The following ACYP2 variants were observed in gnomAD, a reference collection of about 807,000 sequenced individuals.
ACYP2 encodes acylphosphatase-2.
A neutral mutation model predicts 11.2 loss-of-function variants in ACYP2; 12 were observed. The ratio of observed to expected loss-of-function variants is 1.08; its 90% CI spans 0.69 to 1.74. ACYP2 has a LOEUF of 1.74. ACYP2 is among the 40% of genes most tolerant of loss of function. The probability of loss-of-function intolerance (pLI) is 0.00; values close to 1 mark genes in which losing one functional copy is unlikely to be tolerated. For missense variants in ACYP2, 134 were observed against 101.9 expected (o/e 1.31, Z -1.35); for synonymous variants, 43 against 32.2 (o/e 1.33, Z -1.13).
At chr2:54,285,411 G>A (rs1004266788) in intron 6 of ACYP2, among the ~76,000 whole-genome samples, 6 of 152,072 alleles carry the variant, frequency 3.9e-5, no homozygotes, top group African/African-American at 1.4e-4. Context: ...TTATTCCCAG[G>A]TATTGCCATC....
chr2:54,288,897 C>G (rs182023052), intron 6 of ACYP2, among the ~76,000 whole-genome samples: 9 of 152,036 alleles, frequency 5.9e-5, no homozygotes, highest in Admixed American at 4.6e-4. Context: ...TCAGGGAGTC[C>G]AGTTTCTTCC....
chr2:54,029,469 G>A (rs1674470488), intron 2 of ACYP2: 3 of 328,450 alleles, frequency 9.1e-6, no homozygotes, highest in South Asian at 5.9e-5. Context: ...ACACATATAT[G>A]TGTATATATG....
chr2:54,156,467 T>A (rs1250880320), intron 6 of ACYP2, among the ~76,000 whole-genome samples: 4 of 152,140 alleles, frequency 2.6e-5, no homozygotes, highest in Admixed American at 2.6e-4. Context: ...CCTGTGTTCA[T>A]GTGTTCTTAT....
chr2:54,021,984 A>C (rs1037731317), intron 2 of ACYP2, among the ~76,000 whole-genome samples: 1 of 152,188 alleles, frequency 6.6e-6, no homozygotes, highest in Admixed American at 6.5e-5. Flanking sequence ...AAAAATAAAA[A>C]AATGACCCCT....
chr2:54,197,402 C>T (rs1684537501), intron 6 of ACYP2, among the ~76,000 whole-genome samples: 3 of 152,198 alleles, frequency 2.0e-5, no homozygotes, highest in Admixed American at 1.3e-4. Flanking sequence ...CATGAACCCC[C>T]TTTCCCTTTA....
chr2:54,237,159 G>A (rs1686521392), intron 6 of ACYP2, among the ~76,000 whole-genome samples: 1 of 152,066 alleles, frequency 6.6e-6, no homozygotes, highest in Non-Finnish European at 1.5e-5. Context: ...CTTATGTCAG[G>A]GACTTGACTA....
intron 2 of ACYP2, among the ~76,000 whole-genome samples, chr2:54,038,156 T>A (rs1459975292): frequency 6.6e-6 from 1 of 152,214 alleles, no homozygotes; most frequent in Non-Finnish European, 1.5e-5. Context: ...AGGACAGATT[T>A]ATTCTAACCT....
At chr2:54,022,166 T>C (rs1388175637) in intron 2 of ACYP2, among the ~76,000 whole-genome samples, 1 of 152,114 alleles carries the variant, frequency 6.6e-6, no homozygotes, top group Non-Finnish European at 1.5e-5. Context: ...TTTCCCTCTC[T>C]CCTTCCCTCC....
intron 6 of ACYP2, among the ~76,000 whole-genome samples, chr2:54,296,722 T>G (rs1449364306): frequency 6.6e-6 from 1 of 152,242 alleles, no homozygotes. Flanking sequence ...AGTTTCATTT[T>G]CAAAACCTCT....
At chr2:54,131,732 A>G (rs773674119) in intron 4 of ACYP2, among the ~76,000 whole-genome samples, 14 of 152,144 alleles carry the variant, frequency 9.2e-5, no homozygotes, top group Non-Finnish European at 1.5e-4. Flanking sequence ...TCTCCTTTTG[A>G]TGCAATTCTT....
At chr2:54,050,238 A>G (rs112023390) in intron 2 of ACYP2, among the ~76,000 whole-genome samples, 30 of 152,286 alleles carry the variant, frequency 2.0e-4, no homozygotes, top group African/African-American at 6.0e-4. Flanking sequence ...GACCTGCTGT[A>G]TATTGTTTCC....
intron 4 of ACYP2, among the ~76,000 whole-genome samples, chr2:54,111,080 C>G (rs1679436217): frequency 6.6e-6 from 1 of 151,972 alleles, no homozygotes; most frequent in Admixed American, 6.6e-5. Context: ...GGGCTAGTCT[C>G]TTTCAGCAGA....
intron 6 of ACYP2, among the ~76,000 whole-genome samples, chr2:54,220,821 T>A (rs1685769266): frequency 6.6e-6 from 1 of 152,232 alleles, no homozygotes; most frequent in South Asian, 2.1e-4. Context: ...TACCACAAGA[T>A]CTTTTCTTTC....
intron 6 of ACYP2, among the ~76,000 whole-genome samples, chr2:54,227,423 G>A (rs1572962090): frequency 1.3e-5 from 2 of 152,024 alleles, no homozygotes; most frequent in South Asian, 2.1e-4. Flanking sequence ...GGCAGATCAC[G>A]AGGTCAGGAG....
chr2:54,114,776 TAAA>T (rs1679657152), intron 4 of ACYP2, among the ~76,000 whole-genome samples: 1 of 152,210 alleles, frequency 6.6e-6, no homozygotes, highest in South Asian at 2.1e-4. Context: ...TCCACTAGCA[TAAA>T]AGACTTCATA....
intron 2 of ACYP2, among the ~76,000 whole-genome samples, chr2:53,986,381 G>C (rs1187933359): frequency 1.3e-5 from 2 of 151,304 alleles, no homozygotes; most frequent in African/African-American, 4.9e-5. Flanking sequence ...CTGTTGCCAA[G>C]GCTGGAGTGC....
chr2:54,138,498 T>C, intron 5 of ACYP2, 141 bp from the exon 3 acceptor site: 2 of 581,872 alleles, frequency 3.4e-6, no homozygotes. Context: ...TAGAGGTTAC[T>C]GTAGGTCATC....
chr2:53,991,863 G>A (rs1300725919), intron 2 of ACYP2, among the ~76,000 whole-genome samples: 4 of 151,914 alleles, frequency 2.6e-5, no homozygotes, highest in African/African-American at 9.7e-5. Flanking sequence ...ATTCACAAGT[G>A]CGCTCATAGG....
At chr2:53,977,888 A>G (rs779625094) in intron 2 of ACYP2, among the ~76,000 whole-genome samples, 8 of 152,040 alleles carry the variant, frequency 5.3e-5, no homozygotes, top group Non-Finnish European at 1.0e-4. Flanking sequence ...GTGTGAGCTC[A>G]TTTATGGTTA....
Sources: allele counts gnomAD v4.1 joint callset (sites outside exome capture counted in the v4.1 genomes callset), GRCh38; gene constraint gnomAD v4.1.1; transcripts MANE v1.5; gene names NCBI Gene and HGNC (gene_info 2026-07-23, HGNC 2026-07-21).